EGF: variants seen among roughly 807,000 people sequenced by gnomAD.
EGF encodes pro-epidermal growth factor.
Under a neutral mutation model 143.8 loss-of-function variants are expected in EGF, and 95 were observed. The observed-to-expected ratio is 0.66, with a 90% CI of 0.56 to 0.78. The LOEUF is 0.78. Ranked by LOEUF, EGF falls within the 30% of genes least tolerant of loss-of-function variation. The pLI is 0.00. For synonymous variants in EGF, 510 were observed against 510.5 expected (o/e 1.00, Z 0.01); for missense variants, 1,320 against 1,470.9 (o/e 0.90, Z 1.68).
At chr4:109,920,542 G>A (rs930120287) in intron 1 of EGF, among the ~76,000 whole-genome samples, 4 of 151,544 alleles carry the variant, frequency 2.6e-5, no homozygotes, top group Admixed American at 2.6e-4. Context: ...AAGAAATCAC[G>A]TTCTTTTAAA....
chr4:109,933,783 T>C (rs557630156), intron 1 of EGF, among the ~76,000 whole-genome samples: 1 of 152,358 alleles, frequency 6.6e-6, no homozygotes, highest in East Asian at 1.9e-4. Context: ...TAGTATTCCA[T>C]GGTGTATATG....
chr4:109,930,899 C>G (rs186678677), intron 1 of EGF, among the ~76,000 whole-genome samples: 1 of 152,320 alleles, frequency 6.6e-6, no homozygotes, highest in East Asian at 1.9e-4. Flanking sequence ...CTGAAGATCC[C>G]CTACTAATCC....
intron 10 of EGF, among the ~76,000 whole-genome samples, chr4:109,967,946 A>G (rs1198124606): frequency 2.0e-5 from 3 of 152,162 alleles, no homozygotes; most frequent in Admixed American, 2.0e-4. Context: ...GGCACTTACC[A>G]TGAATGAAAC....
chr4:109,992,745 C>T (rs981795410), intron 18 of EGF, among the ~76,000 whole-genome samples: 1 of 152,048 alleles, frequency 6.6e-6, no homozygotes, highest in Non-Finnish European at 1.5e-5. Flanking sequence ...GGCACATATA[C>T]ACCATGGAAT....
chr4:109,919,547 T>C (rs200200717), intron 1 of EGF, among the ~76,000 whole-genome samples: 2 of 152,150 alleles, frequency 1.3e-5, no homozygotes, highest in East Asian at 3.9e-4. Flanking sequence ...TGAGTTATAC[T>C]ATAGGTTGTC....
intron 1 of EGF, among the ~76,000 whole-genome samples, chr4:109,920,650 A>G (rs1737612243): frequency 6.6e-6 from 1 of 151,688 alleles, no homozygotes; most frequent in Non-Finnish European, 1.5e-5. Flanking sequence ...TAGAGCTAGT[A>G]AACAAAATAT....
chr4:109,950,984 G>A (rs1560678178), intron 5 of EGF, among the ~76,000 whole-genome samples: 2 of 151,796 alleles, frequency 1.3e-5, no homozygotes. Context: ...CATTCCCAAT[G>A]CCTAAACGAC....
Position 109,994,880 on chromosome 4 carries a change from A to C in EGF, c.3005A>C (p.Asn1002Thr). 6 of 1,614,132 alleles carry C rather than the reference A, an allele frequency of 3.7e-6. No individual in the cohort carries two copies. Among genetic ancestry groups the C allele is most frequent in the Non-Finnish European group, 5.1e-6 (6 of 1,179,966 alleles). ...GAAGCATTGGACAAGTATGCATGCA[A>C]GTAAGTTAAACTGTCTTGCTGATGG... ...YIEALDKYAC[N>T]CVVGYIGERC... Residue 1002 changes from asparagine (N) to threonine (T), a missense_variant and splice_region_variant, in exon 20 of 24, where the codon AAC becomes ACC. By Grantham distance (65) the Asn-to-Thr change is moderately conservative. Around this residue, in one of 5 missense-constraint regions of EGF, gnomAD observed 1,186 missense variants for 1,313.7 expected, o/e 0.90. Coordinates refer to ENST00000265171, the MANE Select transcript of EGF (RefSeq NM_001963.6).
chr4:109,970,435 T>C (rs1476966646), intron 11 of EGF, among the ~76,000 whole-genome samples: 2 of 152,180 alleles, frequency 1.3e-5, no homozygotes, highest in African/African-American at 4.8e-5. Flanking sequence ...TTAACCTCTG[T>C]GAAATCAGCA....
rs370583859 is a variant in EGF, at chr4:109,969,013, A to G, written c.1618A>G (p.Asn540Asp). 1.2e-6 allele frequency: 2 copies of G among 1,614,198 alleles called. No individual in the cohort carries two copies. Among genetic ancestry groups the G allele is most frequent in the Non-Finnish European group, 1.7e-6 (2 of 1,180,014 alleles). ...HTALKWIERA[N>D]MDGSQRERLI... ...AGCCCTGAAGTGGATAGAGAGAGCT[A>G]ATATGGATGGTTCCCAGCGAGAAAG... The change falls in exon 11 of 24, where the codon AAT becomes GAT. Residue 540 changes from asparagine to aspartate, a missense_variant. Transcript: ENST00000265171.
intron 13 of EGF, among the ~76,000 whole-genome samples, chr4:109,978,580 T>C (rs990807930): frequency 5.9e-5 from 9 of 152,094 alleles, no homozygotes; most frequent in African/African-American, 2.2e-4. Flanking sequence ...TTCCAGGGGA[T>C]GTGGGAGAGG....
At chr4:110,007,226 C>A (rs1463109440) in intron 22 of EGF, among the ~76,000 whole-genome samples, 2 of 152,218 alleles carry the variant, frequency 1.3e-5, no homozygotes, top group Non-Finnish European at 2.9e-5. Context: ...TCCCTTTCTA[C>A]ACCTTTCTCA....
chr4:109,996,249 T>C (rs1353374926), intron 20 of EGF, among the ~76,000 whole-genome samples: 1 of 152,190 alleles, frequency 6.6e-6, no homozygotes, highest in Non-Finnish European at 1.5e-5. Context: ...TAACATCCAT[T>C]TATTAAATGA....
At chr4:109,979,885 G>A (rs1749072055) in intron 13 of EGF, 87 bp from the exon 14 acceptor site, 10 of 1,497,056 alleles carry the variant, frequency 6.7e-6, no homozygotes, top group Admixed American at 1.7e-5. Flanking sequence ...GTGTAGGAAT[G>A]TTGTGTAAAT....
Position 110,004,603 on chromosome 4 carries a change from C to T in EGF, c.3272C>T (p.Ser1091Phe), listed in dbSNP as rs1455778847. ...CCTGCTGACACTGAGGATGGGATGT[C>T]CTCTTGCCCTCAACCTTGGGTAATG... ...RRPADTEDGM[S>F]SCPQPWFVVI... is the part of the protein sequence containing the mutation. The change falls in exon 22 of 24, where the codon TCC becomes TTC. Residue 1091 changes from serine to phenylalanine, a missense_variant. This residue lies in a region of EGF where 1,186 missense variants were observed against 1,313.7 expected (regional missense o/e 0.90). Coordinates refer to ENST00000265171, the MANE Select transcript of EGF (RefSeq NM_001963.6). 2 of 1,613,854 alleles carry T rather than the reference C, an allele frequency of 1.2e-6. No homozygotes were observed. Among genetic ancestry groups the T allele is most frequent in the South Asian group, 2.2e-5 (2 of 91,060 alleles).
At chr4:109,965,430 G>A (rs1252621902) in intron 10 of EGF, among the ~76,000 whole-genome samples, 1 of 152,086 alleles carries the variant, frequency 6.6e-6, no homozygotes, top group Non-Finnish European at 1.5e-5. Context: ...TTAAAGTTTT[G>A]CAATTGAACA....
rs569363193 is a variant in EGF, at chr4:109,931,495, C to T, written c.128-9451C>T. 4.6e-5 allele frequency among the ~76,000 whole-genome samples: 7 copies of T among 152,166 alleles called. No individual in the cohort carries two copies. In the East Asian group the frequency reaches 5.8e-4, roughly 13 times the overall value. ...GTGGAGTTGGAAGTGTACTAGATTG[C>T]GAGTGCACTAGATTGCGATTGCAGT... is the stretch of plus-strand genomic sequence containing the variant. On this transcript the variant is annotated intron_variant, in intron 1 of 23. Coordinates refer to ENST00000265171, the MANE Select transcript of EGF (RefSeq NM_001963.6).
At chr4:109,927,206 C>G (rs72676945) in intron 1 of EGF, among the ~76,000 whole-genome samples, 8,109 of 152,194 alleles carry the variant, frequency 0.053, 335 homozygotes, top group Middle Eastern at 0.13. Context: ...GCCAATGATG[C>G]ATTTATTTCA....
Position 109,962,582 on chromosome 4 carries a change from C to T in EGF, c.1313-591C>T, listed in dbSNP as rs796463400. On this transcript the variant is annotated intron_variant, in intron 8 of 23. Transcript: ENST00000265171. ...AAACTCATCAAATGGATTTTTCATT[C>T]TAGACAGCTGCCAGTGCACTTGCTC... Among the ~76,000 whole-genome samples, 5 of 152,214 alleles carry T rather than the reference C, an allele frequency of 3.3e-5. 1 individual carries two copies. Among genetic ancestry groups the T allele is most frequent in the African/African-American group, 1.2e-4 (5 of 41,538 alleles).
Sources: gnomAD v4.1 joint callset for allele counts (sites outside exome capture counted in the v4.1 genomes callset) on GRCh38, gnomAD v4.1.1 for gene constraint, gnomAD v4.1.1 regional missense constraint, MANE v1.5 for transcripts, NCBI Gene and HGNC (gene_info 2026-07-23, HGNC 2026-07-21) for gene names.